WDR17: variants seen among roughly 807,000 people sequenced by gnomAD.
The protein encoded by WDR17 is WD repeat domain 17, also known as WD repeat-containing protein 17.
Under a neutral mutation model 161.7 loss-of-function variants are expected in WDR17, and 143 were observed. The observed-to-expected ratio is 0.88, with a 90% CI of 0.77 to 1.02. WDR17 has a LOEUF of 1.02. Among genes scored for constraint, WDR17 ranks in the 50% least tolerant of loss-of-function variants. WDR17 has a pLI of 0.00. For synonymous variants in WDR17, 517 were observed against 515.6 expected, an observed-to-expected ratio of 1.00 and a Z score of -0.04; for missense variants, 1,469 against 1,520.9, an observed-to-expected ratio of 0.97 and a Z score of 0.57.
Position 176,118,661 on chromosome 4 carries a change from C to T in WDR17, c.308-1206C>T, listed in dbSNP as rs933798821. Reference sequence around the variant, plus strand: ...TATTCCATGTATTTAAACTCTACCCCTCCTTCTAGGTATAATTCAAATCTA... The same window carrying T: ...TATTCCATGTATTTAAACTCTACCCTTCCTTCTAGGTATAATTCAAATCTA... On this transcript the variant is annotated intron_variant, in intron 3 of 28. Coordinates refer to ENST00000508596, the MANE Select transcript of WDR17 (RefSeq NM_181265.4). Among the ~76,000 whole-genome samples, 11 of 152,252 alleles carry T rather than the reference C, an allele frequency of 7.2e-5. No homozygotes were observed. In the South Asian group the frequency reaches 2.3e-3, roughly 32 times the overall value.
intron 23 of WDR17, 136 bp downstream of exon 23, chr4:176,168,919 G>C: frequency 1.1e-6 from 1 of 906,372 alleles, no homozygotes; most frequent in Non-Finnish European, 1.6e-6. Flanking sequence ...TACAACAAAA[G>C]TGTTGTACAA....
At chr4:176,078,468 A>T (rs931647530) in intron 1 of WDR17, among the ~76,000 whole-genome samples, 4 of 152,096 alleles carry the variant, frequency 2.6e-5, no homozygotes, top group African/African-American at 9.7e-5. Context: ...AATCTTCATT[A>T]TGGTGTTTAA....
rs1561210466 is a variant in WDR17 at position 176,167,658 on chromosome 4, A to AAAAAAAAC, written c.2991-1007_2991-1006insCAAAAAAA. Among the ~76,000 whole-genome samples the AAAAAAAAC allele has an allele frequency of 5.9e-4, 41 of 69,614 alleles. 5 individuals carry two copies. Among genetic ancestry groups the AAAAAAAAC allele is most frequent in the South Asian group, 9.9e-4 (2 of 2,026 alleles). The allele number at this position is 69,614 out of a possible 152,430, so 45.7% of individuals were successfully genotyped here. On this transcript the variant is annotated intron_variant, in intron 22 of 28. Transcript: ENST00000508596. ...AGACTCCGTCTCAAAAAAAAAAAAA[A>AAAAAAAAC]AAAAAAAAAAAAAACAATATCTTGA...
Position 176,180,769 on chromosome 4 carries a change from T to C in WDR17, c.*1190T>C, listed in dbSNP as rs1752080497. 1.3e-5 allele frequency: 2 copies of C among 152,154 alleles called. No homozygotes were observed. Among genetic ancestry groups the C allele is most frequent in the African/African-American group, 4.8e-5 (2 of 41,434 alleles). The allele number at this position is 152,154 out of a possible 1,614,324, so 9.4% of individuals were successfully genotyped here. A position where few individuals can be genotyped will look rare whatever the true frequency, so the allele number is the denominator to read the frequency against. On this transcript the variant is annotated 3_prime_UTR_variant, in exon 29 of 29. Coordinates refer to ENST00000508596, the MANE Select transcript of WDR17 (RefSeq NM_181265.4). ...GATGAAAATTAGTTTTAAGTAAATG[T>C]TTGTAAATAGATATTGGTTGAATTT...
At chr4:176,153,201 T>C (rs1283397609) in intron 17 of WDR17, among the ~76,000 whole-genome samples, 1 of 152,182 alleles carries the variant, frequency 6.6e-6, no homozygotes, top group Non-Finnish European at 1.5e-5. Context: ...GCTGGAATCT[T>C]AACTTCTTAC....
chr4:176,066,426 C>T (rs1330778288), intron 1 of WDR17, among the ~76,000 whole-genome samples: 4 of 152,122 alleles, frequency 2.6e-5, no homozygotes, highest in African/African-American at 7.2e-5. Flanking sequence ...ATCCCTCCGC[C>T]GGCCAGACAC....
At chr4:176,095,605 C>T (rs746383584) in intron 1 of WDR17, among the ~76,000 whole-genome samples, 1 of 151,982 alleles carries the variant, frequency 6.6e-6, no homozygotes, top group Non-Finnish European at 1.5e-5. Context: ...CCCCCCTCCC[C>T]TACCCTCCTT....
At chr4:176,147,345 G>A (rs1746350631) in intron 12 of WDR17, among the ~76,000 whole-genome samples, 1 of 152,058 alleles carries the variant, frequency 6.6e-6, no homozygotes, top group Non-Finnish European at 1.5e-5. Context: ...AGCAGTTGGA[G>A]GTCTTAAATT....
At chr4:176,104,525 ATAAT>A (rs1738368848) in intron 1 of WDR17, among the ~76,000 whole-genome samples, 2 of 152,048 alleles carry the variant, frequency 1.3e-5, no homozygotes, top group Non-Finnish European at 1.5e-5. Flanking sequence ...TGTATTTAAA[ATAAT>A]TAATTAGTTT....
rs75443838 is a variant in WDR17, at chr4:176,107,981, T to C, written c.-6-3594T>C. On this transcript the variant is annotated intron_variant, in intron 1 of 28. Coordinates refer to ENST00000508596, the MANE Select transcript of WDR17 (RefSeq NM_181265.4). ...CTTTTGTCCCTTCCTTCCTTCCTTC[T>C]TTCTTTCCTTCCTCCCTTCCACCCT... is the stretch of plus-strand genomic sequence containing the variant. Among the ~76,000 whole-genome samples the C allele has an allele frequency of 9.0e-3, 1,218 of 134,768 alleles. 17 individuals are homozygous for C. Among genetic ancestry groups the C allele is most frequent in the African/African-American group, 0.033 (1,157 of 35,482 alleles). The allele number at this position is 134,768 out of a possible 152,430, so 88.4% of individuals were successfully genotyped here. A position where few individuals can be genotyped will look rare whatever the true frequency, so the allele number is the denominator to read the frequency against.
chr4:176,068,648 A>G (rs10005622), intron 1 of WDR17, among the ~76,000 whole-genome samples: 4,681 of 152,184 alleles, frequency 0.031, 200 homozygotes, highest in African/African-American at 0.097. Flanking sequence ...ATTGGAAGGG[A>G]TTTTTTATTA....
chr4:176,078,775 A>G (rs1366012365), intron 1 of WDR17, among the ~76,000 whole-genome samples: 4 of 152,026 alleles, frequency 2.6e-5, no homozygotes, highest in Non-Finnish European at 5.9e-5. Flanking sequence ...AAACATAGTT[A>G]TATGTATTTA....
intron 23 of WDR17, 94 bp downstream of exon 23, chr4:176,168,877 CAAATGTGT>C: frequency 7.1e-7 from 1 of 1,417,306 alleles, no homozygotes; most frequent in Non-Finnish European, 9.5e-7. Context: ...TGCAGAGAAA[CAAATGTGT>C]GGTCCCTTTG....
chr4:176,150,690 C>T (rs7663477), intron 16 of WDR17, 97 bp downstream of exon 16: 331,610 of 1,226,334 alleles, frequency 0.27, 46,755 homozygotes, highest in African/African-American at 0.4. Flanking sequence ...ATGATTAGAT[C>T]GGTAGATTTA....
chr4:176,138,595 A>G (rs1285425820), intron 9 of WDR17, among the ~76,000 whole-genome samples: 1 of 151,844 alleles, frequency 6.6e-6, no homozygotes, highest in African/African-American at 2.4e-5. Context: ...AATTTATTCC[A>G]TAATAAATAG....
intron 17 of WDR17, among the ~76,000 whole-genome samples, chr4:176,152,294 C>CAAAAAAAAAAAA (rs397837505): frequency 4.3e-4 from 31 of 72,130 alleles, no homozygotes; most frequent in African/African-American, 7.5e-4. Flanking sequence ...GACCCTATCT[C>CAAAAAAAAAAAA]AAAAAAAAAA....
chr4:176,141,786 C>T (rs939898819), intron 10 of WDR17, among the ~76,000 whole-genome samples, 197 bp from the exon 11 acceptor site: 17 of 152,068 alleles, frequency 1.1e-4, no homozygotes, highest in African/African-American at 4.1e-4. Flanking sequence ...TGTAGGTTAC[C>T]ATAATTAATA....
chr4:176,168,997 C>A (rs1750303886), intron 23 of WDR17, among the ~76,000 whole-genome samples: 1 of 152,100 alleles, frequency 6.6e-6, no homozygotes, highest in Non-Finnish European at 1.5e-5. Flanking sequence ...GTATTTGTAT[C>A]TTCATTCTCA....
chr4:176,107,463 G>A (rs1288569313), intron 1 of WDR17, among the ~76,000 whole-genome samples: 1 of 149,698 alleles, frequency 6.7e-6, no homozygotes, highest in Non-Finnish European at 1.5e-5. Flanking sequence ...GCAGGGTGTG[G>A]AAGAGATATT....
Sources: gnomAD v4.1 joint callset for allele counts (sites outside exome capture counted in the v4.1 genomes callset) on GRCh38, gnomAD v4.1.1 for gene constraint, MANE v1.5 for transcripts, NCBI Gene and HGNC (gene_info 2026-07-23, HGNC 2026-07-21) for gene names.